Variants in TRRAP observed in about 807,000 individuals in gnomAD.
The protein encoded by TRRAP is transformation/transcription domain-associated protein.
TRRAP carries 41 observed loss-of-function variants against 438.8 expected under a neutral mutation model. The ratio of observed to expected loss-of-function variants is 0.09; its 90% CI spans 0.07 to 0.12. TRRAP has a LOEUF of 0.12. Ranked by LOEUF, TRRAP falls within the 10% of genes least tolerant of loss-of-function variation. The pLI is 1.00. For synonymous variants in TRRAP, 1,994 were observed against 1,962.9 expected (o/e 1.02, Z -0.42); for missense variants, 3,122 against 5,055.1 (o/e 0.62, Z 11.60).
intron 67 of TRRAP, chr7:98,999,625 T>TTTGCATA: frequency 1.2e-6 from 1 of 851,198 alleles, no homozygotes; most frequent in South Asian, 1.4e-5. Flanking sequence ...AGCAGAGAGC[T>TTTGCATA]GAGTTGGTGA....
chr7:99,008,339 ACCCTC>A, intron 69 of TRRAP, 33 bp from the exon 70 acceptor site: 1 of 1,600,352 alleles, frequency 6.2e-7, no homozygotes, highest in African/African-American at 1.3e-5. Flanking sequence ...GCCCGCGGTC[ACCCTC>A]AGCCTGCCCC....
rs782365110 is a variant in TRRAP, at chr7:98,956,229, C to A, written c.6021C>A (p.Ile2007=). Reference sequence around the variant, plus strand: ...TGGGCTTCACGCCCAGTGTCACCATCGAGCAGAGGCGGCTGGCCGTGGACC... The same window carrying A: ...TGGGCTTCACGCCCAGTGTCACCATAGAGCAGAGGCGGCTGGCCGTGGACC... ...QRLGFTPSVT[I]EQRRLAVDLS... The change falls in exon 42 of 73, where the codon ATC becomes ATA. Residue 2007 remains isoleucine, a synonymous_variant. Transcript: ENST00000456197. This position sits in a 1 kb window ranked among gnomAD's most constrained non-coding sequence, Gnocchi z 4.5. 1 of 1,613,888 alleles carries A rather than the reference C, an allele frequency of 6.2e-7. No homozygotes were observed. Among genetic ancestry groups the A allele is most frequent in the African/African-American group, 1.3e-5 (1 of 74,928 alleles).
intron 45 of TRRAP, among the ~76,000 whole-genome samples, chr7:98,959,936 T>TGAAA (rs1483906654): frequency 1.8e-5 from 2 of 112,710 alleles, no homozygotes; most frequent in African/African-American, 7.7e-5. Context: ...CCTGGTCTCT[T>TGAAA]AAAAAAAAAA....
chr7:98,916,416 C>T (rs1294290432), intron 19 of TRRAP, among the ~76,000 whole-genome samples: 3 of 152,172 alleles, frequency 2.0e-5, no homozygotes, highest in African/African-American at 7.2e-5. Flanking sequence ...TCATTGAATG[C>T]TTTTGGGGTG....
At position 98,949,591 on chromosome 7, in the gene TRRAP, C is replaced by G. The variant is rs1317527262; in HGVS notation, c.4953+10C>G. On this transcript the variant is annotated intron_variant, in intron 36 of 72. Coordinates refer to ENST00000456197, the MANE Select transcript of TRRAP (RefSeq NM_001375524.1). ...GTTCCAGGCCATCAAGGTAGCGCCC[C>G]TTCCTCCAGCCCCCAATGCCCAGGG... 1 of 1,584,008 alleles carries G rather than the reference C, an allele frequency of 6.3e-7. No homozygotes were observed. The highest frequency in any genetic ancestry group is 8.6e-7 in the Non-Finnish European group (1 of 1,164,792).
intron 47 of TRRAP, among the ~76,000 whole-genome samples, chr7:98,962,920 TATAGA>T (rs1438404843): frequency 6.6e-6 from 1 of 152,132 alleles, no homozygotes; most frequent in Non-Finnish European, 1.5e-5. Context: ...GAGTCAGATT[TATAGA>T]TGTGCCCTCA....
At chr7:98,949,914 T>C in intron 37 of TRRAP, 73 bp downstream of exon 37, 3 of 1,572,888 alleles carry the variant, frequency 1.9e-6, no homozygotes, top group Non-Finnish European at 2.6e-6. Flanking sequence ...CTCCTTCTAC[T>C]CTGTACAAGG....
chr7:98,993,465 G>A, intron 65 of TRRAP, 73 bp from the exon 66 acceptor site: 1 of 1,516,024 alleles, frequency 6.6e-7, no homozygotes, highest in South Asian at 1.2e-5. Context: ...TTGGCCCATG[G>A]GTCCTGCAGC....
At chr7:98,964,052 G>A (rs1311500017) in intron 47 of TRRAP, among the ~76,000 whole-genome samples, 2 of 148,910 alleles carry the variant, frequency 1.3e-5, no homozygotes, top group Admixed American at 1.3e-4. Context: ...CTGCACTCCA[G>A]CCTGGGTGAT....
At chr7:98,982,877 T>C (rs1357747861) in intron 59 of TRRAP, among the ~76,000 whole-genome samples, 1 of 152,178 alleles carries the variant, frequency 6.6e-6, no homozygotes, top group East Asian at 1.9e-4. Context: ...GCAGCAGGGA[T>C]GCCAGGCTGT....
chr7:98,933,630 ACT>A (rs1790425564), intron 27 of TRRAP, among the ~76,000 whole-genome samples: 1 of 152,010 alleles, frequency 6.6e-6, no homozygotes, highest in African/African-American at 2.4e-5. Context: ...AGTTCTCAGA[ACT>A]CTGTTAGCCC....
At position 98,966,892 on chromosome 7, in the gene TRRAP, T is replaced by A. The variant is rs995660618; in HGVS notation, c.7177-149T>A. 8.3e-6 allele frequency: 6 copies of A among 724,076 alleles called. No individual in the cohort carries two copies. The South Asian group carries it at 9.5e-5, about 11-fold the overall frequency. The allele number at this position is 724,076 out of a possible 1,614,324, so 44.9% of individuals were successfully genotyped here. On this transcript the variant is annotated intron_variant, in intron 49 of 72. Coordinates refer to ENST00000456197, the MANE Select transcript of TRRAP (RefSeq NM_001375524.1). ...GAAAATTACATTGGCATGTCTTGAT[T>A]TTAAGCATCCAAAGATAAAGCCATC...
At position 99,005,138 on chromosome 7, in the gene TRRAP, C is replaced by T; in HGVS notation, c.10543C>T (p.Pro3515Ser). ...HYYIKIARFM[P>S]RVEIVQKHNT... ...GGCTTCTCGCTCTGGCAGGTTCATG[C>T]CCCGGGTAGAGATTGTGCAGAAGCA... The change falls in exon 69 of 73, where the codon CCC (proline) becomes TCC (serine). Residue 3515 changes from proline (P) to serine (S), a missense_variant. Physicochemically the swap from Pro to Ser is moderately conservative, Grantham distance 74. This residue lies in a region of TRRAP where 95 missense variants were observed against 144.1 expected (regional missense o/e 0.66). Coordinates refer to ENST00000456197, the MANE Select transcript of TRRAP (RefSeq NM_001375524.1). This position sits in a 1 kb window ranked among gnomAD's most constrained non-coding sequence, Gnocchi z 5.1. 1.2e-6 allele frequency: 2 copies of T among 1,613,386 alleles called. No individual in the cohort carries two copies. Among genetic ancestry groups the T allele is most frequent in the Non-Finnish European group, 8.5e-7 (1 of 1,179,928 alleles).
intron 6 of TRRAP, among the ~76,000 whole-genome samples, chr7:98,894,399 T>G (rs1796101099): frequency 2.6e-5 from 4 of 152,176 alleles, no homozygotes; most frequent in Admixed American, 2.6e-4. Flanking sequence ...AAGTATACAT[T>G]TACCATAATT....
chr7:99,011,403 G>A lies in TRRAP; in HGVS notation c.11205G>A (p.Leu3735=), dbSNP rs1794419336. ...ACATAAACGACGCGACTGGAGACCT[G>A]GATGCCAACCGTCCTGTCCCATTTC... ...RFDINDATGD[L]DANRPVPFRL... Residue 3735 remains leucine (L), a synonymous_variant, in exon 72 of 73, where the codon CTG becomes CTA. Coordinates refer to ENST00000456197, the MANE Select transcript of TRRAP (RefSeq NM_001375524.1). The surrounding 1 kb of genome is among the most constrained non-coding windows in gnomAD (Gnocchi z 7.1). 1.2e-6 allele frequency: 2 copies of A among 1,614,134 alleles called. No homozygotes were observed. The highest frequency in any genetic ancestry group is 1.7e-5 in the Admixed American group (1 of 60,014).
rs202101368 is a variant in TRRAP at position 98,880,264 on chromosome 7, T to TG, written c.-61-826_-61-825insG. On this transcript the variant is annotated intron_variant, in intron 1 of 72. Transcript: ENST00000456197. The stretch of plus-strand genomic sequence containing the variant: ...GCCTGCGTTTTGTTGTTGTTGTTGT[T>TG]TTTTTTTTTTTTTTTCCGAGACTGA... Among the ~76,000 whole-genome samples, 13 of 96,858 alleles carry TG rather than the reference T, an allele frequency of 1.3e-4. No homozygotes were observed. In the African/African-American group the frequency reaches 2.0e-3, roughly 15 times the overall value. The allele number at this position is 96,858 out of a possible 152,430, so 63.5% of individuals were successfully genotyped here. A position where few individuals can be genotyped will look rare whatever the true frequency, so the allele number is the denominator to read the frequency against.
chr7:98,913,244 T>C (rs1789362711), intron 18 of TRRAP, among the ~76,000 whole-genome samples: 1 of 152,152 alleles, frequency 6.6e-6, no homozygotes, highest in South Asian at 2.1e-4. Flanking sequence ...GGTTCTGCGG[T>C]TACAGTTACA....
At chr7:98,891,461 A>G (rs1426168130) in intron 4 of TRRAP, among the ~76,000 whole-genome samples, 2 of 151,712 alleles carry the variant, frequency 1.3e-5, no homozygotes, top group East Asian at 3.9e-4. Context: ...TCGGCCTCCC[A>G]AAGTGCCGAG....
chr7:98,936,419 A>G (rs1210626384), intron 28 of TRRAP, among the ~76,000 whole-genome samples: 3 of 151,850 alleles, frequency 2.0e-5, no homozygotes, highest in Non-Finnish European at 2.9e-5. Flanking sequence ...TCTTTGGGGA[A>G]CTCTCCTGTG....
Sources: allele counts gnomAD v4.1 joint callset (sites outside exome capture counted in the v4.1 genomes callset), GRCh38; gene constraint gnomAD v4.1.1; regional missense constraint gnomAD v4.1.1; non-coding constraint Gnocchi (gnomAD v3.1); transcripts MANE v1.5; gene names NCBI Gene and HGNC (gene_info 2026-07-23, HGNC 2026-07-21).